Variants in ABCC3 observed in about 807,000 individuals in gnomAD.
The protein encoded by ABCC3 is ATP binding cassette subfamily C member 3.
Under a neutral mutation model 165.3 loss-of-function variants are expected in ABCC3, and 121 were observed. The observed-to-expected ratio is 0.73, with a 90% CI of 0.63 to 0.85. The LOEUF is 0.85. Ranked by LOEUF, ABCC3 falls within the 40% of genes least tolerant of loss-of-function variation. ABCC3 has a pLI of 0.00. For synonymous variants in ABCC3, 733 were observed against 810.1 expected (o/e 0.90, Z 1.62); for missense variants, 1,869 against 1,964.1 (o/e 0.95, Z 0.92).
intron 13 of ABCC3, 28 bp downstream of exon 13, chr17:50,668,037 A>T (rs1597853750): frequency 6.3e-7 from 1 of 1,599,584 alleles, no homozygotes; most frequent in East Asian, 2.2e-5. Flanking sequence ...TGGGGGCTCT[A>T]CTGGAGTTGG....
Position 50,669,504 on chromosome 17 carries a change from G to C in ABCC3, c.2217G>C (p.Gly739=). ...LLADLEMLPG[G]DQTEIGEKGI... ...CTGACCTGGAGATGCTGCCTGGTGG[G>C]GATCAGACAGAGATTGGAGAGAAGG... The change falls in exon 17 of 31, where the codon GGG becomes GGC. Residue 739 remains glycine, a synonymous_variant. Transcript: ENST00000285238. 5 of 1,614,200 alleles carry C rather than the reference G, an allele frequency of 3.1e-6. No homozygotes were observed. The highest frequency in any genetic ancestry group is 4.2e-6 in the Non-Finnish European group (5 of 1,180,034).
At chr17:50,684,172 T>G in intron 28 of ABCC3, 65 bp downstream of exon 28, 1 of 1,569,816 alleles carries the variant, frequency 6.4e-7, no homozygotes, top group Non-Finnish European at 8.6e-7. Context: ...CACCTTGTTC[T>G]GTAGCTTTAG....
At chr17:50,667,233 T>C (rs1336719151) in intron 11 of ABCC3, among the ~76,000 whole-genome samples, 3 of 151,410 alleles carry the variant, frequency 2.0e-5, no homozygotes, top group African/African-American at 7.3e-5. Flanking sequence ...AAATAAATAA[T>C]ACTAGCAATA....
At chr17:50,658,389 G>A in intron 5 of ABCC3, 46 bp from the exon 6 acceptor site, 8 of 1,595,120 alleles carry the variant, frequency 5.0e-6, no homozygotes, top group Non-Finnish European at 6.0e-6. Flanking sequence ...CTTTGAGAGG[G>A]TGGTGGGCAC....
At position 50,669,102 on chromosome 17, in the gene ABCC3, C is replaced by T. The variant is rs565089412; in HGVS notation, c.1938-38C>T. ...AGGGTTGGAGACCAAAACCCTGATC[C>T]CTGCCTCTAACTGGACTCCTGGGGT... is the stretch of plus-strand genomic sequence containing the variant. On this transcript the variant is annotated intron_variant, in intron 15 of 30. Transcript: ENST00000285238. The T allele has an allele frequency of 1.0e-4, 166 of 1,588,016 alleles. No individual in the cohort carries two copies. In the South Asian group the frequency reaches 1.6e-3, roughly 15 times the overall value.
intron 19 of ABCC3, chr17:50,674,192 G>C (rs538523311): frequency 6.6e-6 from 1 of 151,328 alleles, no homozygotes; most frequent in African/African-American, 2.5e-5. Flanking sequence ...TCAGGCTCCC[G>C]AGTAGCTGGG....
At chr17:50,673,367 C>T in intron 18 of ABCC3, 102 bp from the exon 19 acceptor site, 1 of 1,458,340 alleles carries the variant, frequency 6.9e-7, no homozygotes, top group Non-Finnish European at 9.3e-7. Flanking sequence ...GTCCAAGCTC[C>T]CTGGCACATG....
At chr17:50,637,289 C>T (rs1313288992) in intron 1 of ABCC3, among the ~76,000 whole-genome samples, 1 of 152,144 alleles carries the variant, frequency 6.6e-6, no homozygotes, top group East Asian at 1.9e-4. Flanking sequence ...AGGAGGCTCC[C>T]AGCTCATCCT....
chr17:50,645,694 G>C (rs751382897), intron 1 of ABCC3, among the ~76,000 whole-genome samples: 1 of 151,988 alleles, frequency 6.6e-6, no homozygotes, highest in African/African-American at 2.4e-5. Flanking sequence ...ACAAACTCCC[G>C]GGCTCAAGAG....
chr17:50,641,405 G>A (rs1966889320), intron 1 of ABCC3, among the ~76,000 whole-genome samples: 1 of 152,182 alleles, frequency 6.6e-6, no homozygotes, highest in Non-Finnish European at 1.5e-5. Flanking sequence ...GGGATTCAGG[G>A]AGTGTTACAG....
intron 7 of ABCC3, among the ~76,000 whole-genome samples, chr17:50,660,375 C>T (rs1212837535): frequency 6.6e-6 from 1 of 152,226 alleles, no homozygotes; most frequent in Non-Finnish European, 1.5e-5. Context: ...TCCTCCCATC[C>T]ACAATCCAGG....
intron 1 of ABCC3, among the ~76,000 whole-genome samples, chr17:50,649,800 T>C (rs1967079584): frequency 6.6e-6 from 1 of 152,138 alleles, no homozygotes; most frequent in African/African-American, 2.4e-5. Context: ...ATTTTTTTAA[T>C]AGGATCACAG....
rs1567834178 is a variant in ABCC3 at position 50,670,976 on chromosome 17, TATC to T, written c.2241+1452_2241+1454del. Among the ~76,000 whole-genome samples the T allele has an allele frequency of 2.0e-5, 3 of 152,118 alleles. No individual in the cohort carries two copies. The South Asian group carries it at 6.2e-4, about 32-fold the overall frequency. Reference sequence around the variant, plus strand: ...TAAAAACCACACATAACATAAAATATATCATCTTGCCCGGCATGGTGGCTCCCA... The same window carrying T: ...TAAAAACCACACATAACATAAAATATATCTTGCCCGGCATGGTGGCTCCCA... On this transcript the variant is annotated intron_variant, in intron 17 of 30. Coordinates refer to ENST00000285238, the MANE Select transcript of ABCC3 (RefSeq NM_003786.4).
chr17:50,682,720 G>A lies in ABCC3; in HGVS notation c.3808-890G>A, dbSNP rs186504200. On this transcript the variant is annotated intron_variant, in intron 26 of 30. Coordinates refer to ENST00000285238, the MANE Select transcript of ABCC3 (RefSeq NM_003786.4). ...GGCCCCAGCACTCATCACTTCTTGC[G>A]TTGTATAGATTTGCTTATCTGTTGA... Among the ~76,000 whole-genome samples the A allele has an allele frequency of 1.3e-4, 20 of 152,250 alleles. No homozygotes were observed. In the East Asian group the frequency reaches 3.1e-3, roughly 24 times the overall value.
rs1597859377 is a variant in ABCC3, at chr17:50,677,907, A to G, written c.3542A>G (p.Asn1181Ser). Reference protein sequence around the residue: ...EIISDTKVDANQRSCYPYIIS... With the variant: ...EIISDTKVDASQRSCYPYIIS... ...ATCAGTGATACTAAGGTGGATGCCA[A>G]CCAGAGAAGCTGCTACCCCTACATC... The change falls in exon 24 of 31, where the codon AAC (asparagine) becomes AGC (serine). Residue 1181 changes from asparagine to serine, a missense_variant. Asn to Ser is a conservative substitution (Grantham distance 46). Transcript: ENST00000285238. 7 of 1,614,044 alleles carry G rather than the reference A, an allele frequency of 4.3e-6. No individual in the cohort carries two copies. The Admixed American group carries it at 5.0e-5, about 12-fold the overall frequency.
chr17:50,635,173 C>A (rs1367859070), intron 1 of ABCC3, 192 bp downstream of exon 1: 1 of 582,038 alleles, frequency 1.7e-6, no homozygotes, highest in Non-Finnish European at 2.7e-6. Flanking sequence ...GGGTCCCACG[C>A]GGTGTCGGGG....
intron 18 of ABCC3, 129 bp from the exon 19 acceptor site, chr17:50,673,340 G>A (rs1045321941): frequency 2.3e-6 from 3 of 1,297,450 alleles, no homozygotes; most frequent in Non-Finnish European, 3.2e-6. Context: ...AGCACAGGGT[G>A]AGTCACCCAT....
At chr17:50,657,797 G>T (rs781536580) in intron 4 of ABCC3, among the ~76,000 whole-genome samples, 1 of 152,222 alleles carries the variant, frequency 6.6e-6, no homozygotes. Context: ...CAGAAAGGGC[G>T]TCATGAGCTG....
chr17:50,653,384 A>T (rs1008991372), intron 1 of ABCC3, among the ~76,000 whole-genome samples: 1 of 151,558 alleles, frequency 6.6e-6, no homozygotes, highest in Admixed American at 6.6e-5. Context: ...AAGAAAAAGG[A>T]AAAGCTTTAG....
Sources: allele counts gnomAD v4.1 joint callset (sites outside exome capture counted in the v4.1 genomes callset), GRCh38; gene constraint gnomAD v4.1.1; transcripts MANE v1.5; gene names NCBI Gene and HGNC (gene_info 2026-07-23, HGNC 2026-07-21).